The following LETM2 variants were observed in gnomAD, a reference collection of about 807,000 sequenced individuals.
LETM2 encodes leucine zipper and EF-hand containing transmembrane protein 2, also known as LETM1 domain-containing protein LETM2, mitochondrial.
LETM2 carries 58 observed loss-of-function variants against 59.6 expected under a neutral mutation model. The observed-to-expected ratio is 0.97, with a 90% CI of 0.79 to 1.21. The LOEUF (loss-of-function observed/expected upper bound fraction) is 1.21. Ranked by LOEUF, LETM2 falls within the 50% of genes most tolerant of loss-of-function variation. LETM2 has a pLI of 0.00. For synonymous variants in LETM2, 199 were observed against 214.1 expected, an observed-to-expected ratio of 0.93 and a Z score of 0.62; for missense variants, 572 against 575.7, an observed-to-expected ratio of 0.99 and a Z score of 0.07.
chr8:38,401,201 A>G, intron 6 of LETM2, 148 bp downstream of exon 6: 2 of 653,682 alleles, frequency 3.1e-6, no homozygotes, highest in African/African-American at 1.8e-5. Flanking sequence ...CAGTGGCGCA[A>G]TCCTGGCTTA....
intron 10 of LETM2, 114 bp downstream of exon 10, chr8:38,407,577 T>C: frequency 1.4e-6 from 1 of 725,980 alleles, no homozygotes; most frequent in Non-Finnish European, 2.3e-6. Context: ...CAATTCTTCC[T>C]GTTGTCCAAA....
chr8:38,395,521 CT>C lies in LETM2; in HGVS notation c.645+1292del, dbSNP rs376185856. On this transcript the variant is annotated intron_variant, in intron 4 of 10. Transcript: ENST00000379957. Reference sequence around the variant, plus strand: ...GGTGTCTGTTTAGATCTTTGGTTGACTTTTTTTTTTTTGAGAAGGAGTCTGG... The same window carrying C: ...GGTGTCTGTTTAGATCTTTGGTTGACTTTTTTTTTTTGAGAAGGAGTCTGG... Among the ~76,000 whole-genome samples the C allele has an allele frequency of 2.6e-3, 374 of 145,492 alleles. 2 individuals carry two copies. Among genetic ancestry groups the C allele is most frequent in the African/African-American group, 7.9e-3 (314 of 39,960 alleles).
At position 38,409,495 on chromosome 8, in the gene LETM2, G is replaced by A. The variant is rs555553810; in HGVS notation, c.*1221G>A. ...AGCAATCATGGATCCTGCCTATCGA[G>A]GTGATTCACAATACACTTTCCCATT... On this transcript the variant is annotated 3_prime_UTR_variant, in exon 11 of 11. Transcript: ENST00000379957. 1 of 152,186 alleles carries A rather than the reference G, an allele frequency of 6.6e-6. No individual in the cohort carries two copies. The highest frequency in any genetic ancestry group is 1.5e-5 in the Non-Finnish European group (1 of 68,042). 9.4% of individuals were successfully genotyped at this position (152,186 alleles called of 1,614,324 possible).
At chr8:38,401,791 T>C (rs1339020141) in intron 6 of LETM2, 1 of 153,012 alleles carries the variant, frequency 6.5e-6, no homozygotes, top group Non-Finnish European at 1.5e-5. Context: ...CAAAGCATAA[T>C]ACTGGGAGGA....
chr8:38,386,943 C>T (rs1208304965), intron 1 of LETM2: 1 of 152,422 alleles, frequency 6.6e-6, no homozygotes, highest in African/African-American at 2.4e-5. Flanking sequence ...CCCCCAGACC[C>T]CGCCGCATGC....
Position 38,408,334 on chromosome 8 carries a change from G to C in LETM2, c.*60G>C. ...CTTCCGGCCCTCAACAGTGGCATCT[G>C]TAAAGGACCTCCCAGATAAGACTGT... On this transcript the variant is annotated 3_prime_UTR_variant, in exon 11 of 11. Coordinates refer to ENST00000379957, the MANE Select transcript of LETM2 (RefSeq NM_001286819.2). 1 of 1,392,618 alleles carries C rather than the reference G, an allele frequency of 7.2e-7. No homozygotes were observed. Among genetic ancestry groups the C allele is most frequent in the Non-Finnish European group, 1.0e-6 (1 of 988,668 alleles). The allele number at this position is 1,392,618 out of a possible 1,614,324, so 86.3% of individuals were successfully genotyped here.
At chr8:38,397,287 C>T (rs748366280) in intron 4 of LETM2, among the ~76,000 whole-genome samples, 26 of 152,172 alleles carry the variant, frequency 1.7e-4, no homozygotes, top group Non-Finnish European at 2.9e-4. Flanking sequence ...AGCAATTCTC[C>T]GGCCTCAGCC....
At chr8:38,386,354 GA>G (rs1418132284), upstream of LETM2, 1 of 152,208 alleles carries the variant, frequency 6.6e-6, no homozygotes, top group African/African-American at 2.4e-5. Flanking sequence ...ATGTAAACGC[GA>G]CTTTGCGGCT....
chr8:38,407,250 G>A (rs1813798241), intron 9 of LETM2, 112 bp from the exon 10 acceptor site: 1 of 910,180 alleles, frequency 1.1e-6, no homozygotes. Flanking sequence ...TGAATCCTGT[G>A]CCAGGATATG....
rs567345261 is a variant in LETM2 at position 38,393,297 on chromosome 8, T to C, written c.501+302T>C. 1.9e-5 allele frequency: 5 copies of C among 268,526 alleles called. No homozygotes were observed. The Admixed American group carries it at 2.4e-4, about 13-fold the overall frequency. 16.6% of individuals were successfully genotyped at this position (268,526 alleles called of 1,614,324 possible). On this transcript the variant is annotated intron_variant, in intron 3 of 10. Coordinates refer to ENST00000379957, the MANE Select transcript of LETM2 (RefSeq NM_001286819.2). ...TGTGTTTTTTAATCTTTCCAAGAAG[T>C]TGAGGGGCTTCATGTTTCAACTGTT...
rs749391639 is a variant in LETM2 at position 38,392,930 on chromosome 8, G to A, written c.436G>A (p.Val146Ile). 1.2e-6 allele frequency: 2 copies of A among 1,612,232 alleles called. No individual in the cohort carries two copies. The highest frequency in any genetic ancestry group is 1.1e-5 in the South Asian group (1 of 91,086). ...CTACTTACTTTGGATTGACGCCAAA[G>A]TTGCTGCCAGAATGGTTTGGAGGCT... ...GFYLLWIDAKVAARMVWRLLH... is the reference protein window; with the variant it reads ...GFYLLWIDAKIAARMVWRLLH... Residue 146 changes from valine to isoleucine, a missense_variant, in exon 3 of 11, where the codon GTT (valine) becomes ATT (isoleucine). Transcript: ENST00000379957.
intron 4 of LETM2, among the ~76,000 whole-genome samples, chr8:38,397,887 C>T (rs1812818748): frequency 1.3e-5 from 2 of 152,124 alleles, no homozygotes; most frequent in South Asian, 2.1e-4. Context: ...TGCCTGTAAT[C>T]CCAGCACTTT....
At chr8:38,396,238 C>A (rs1812677804) in intron 4 of LETM2, among the ~76,000 whole-genome samples, 1 of 151,650 alleles carries the variant, frequency 6.6e-6, no homozygotes, top group Non-Finnish European at 1.5e-5. Flanking sequence ...ATCTCGGCTC[C>A]CTGCAACCTC....
Position 38,404,500 on chromosome 8 carries a change from T to C in LETM2, c.1212T>C (p.Ser404=). ...CCAAGCCGATTGAGATACCACTCAG[T>C]GGGGAGGTGAGTACCTGGGTTAATG... The part of the protein sequence containing the change: ...VKPKPIEIPL[S]GEAPKTDILV... Residue 404 remains serine, a synonymous_variant, in exon 8 of 11, where the codon AGT becomes AGC. Transcript: ENST00000379957. The C allele has an allele frequency of 6.2e-7, 1 of 1,609,452 alleles. No homozygotes were observed. The highest frequency in any genetic ancestry group is 1.1e-5 in the South Asian group (1 of 90,970).
rs947735851 is a variant in LETM2 at position 38,409,025 on chromosome 8, T to A, written c.*751T>A. 2.0e-5 allele frequency: 3 copies of A among 152,234 alleles called. No homozygotes were observed. The East Asian group carries it at 5.8e-4, about 29-fold the overall frequency. 9.4% of individuals were successfully genotyped at this position (152,234 alleles called of 1,614,324 possible). ...TTGGGTGTGTGTGTTTCTGGCCAGT[T>A]TGTCTTTCACAAATAAGACTATTAG... On this transcript the variant is annotated 3_prime_UTR_variant, in exon 11 of 11. Coordinates refer to ENST00000379957, the MANE Select transcript of LETM2 (RefSeq NM_001286819.2).
At chr8:38,406,281 T>C (rs995485820) in intron 8 of LETM2, among the ~76,000 whole-genome samples, 2 of 152,176 alleles carry the variant, frequency 1.3e-5, no homozygotes, top group East Asian at 3.8e-4. Context: ...AGATGCAACA[T>C]AGACCAAGTT....
chr8:38,408,279 C>A lies in LETM2; in HGVS notation c.*5C>A, dbSNP rs749582529. The A allele has an allele frequency of 6.7e-7, 1 of 1,486,506 alleles. No individual in the cohort carries two copies. Among genetic ancestry groups the A allele is most frequent in the Non-Finnish European group, 9.3e-7 (1 of 1,071,464 alleles). 92.1% of individuals were successfully genotyped at this position (1,486,506 alleles called of 1,614,324 possible). On this transcript the variant is annotated 3_prime_UTR_variant, in exon 11 of 11. Coordinates refer to ENST00000379957, the MANE Select transcript of LETM2 (RefSeq NM_001286819.2). ...GCTAGTTCAAAAGGAGCATAAAGGACTACTTGAGGATGGAGCTCACTCTCT... is the reference window on the plus strand; with the variant it reads ...GCTAGTTCAAAAGGAGCATAAAGGAATACTTGAGGATGGAGCTCACTCTCT...
intron 7 of LETM2, 118 bp from the exon 8 acceptor site, chr8:38,404,275 G>A (rs537164086): frequency 1.3e-5 from 9 of 695,406 alleles, no homozygotes; most frequent in Admixed American, 1.2e-4. Flanking sequence ...TCACCTGAGC[G>A]GCTTGGCGGA....
chr8:38,384,612 A>T (rs375012370), upstream of LETM2, among the ~76,000 whole-genome samples: 19 of 152,372 alleles, frequency 1.2e-4, no homozygotes, highest in Non-Finnish European at 2.6e-4. Context: ...ATCTTACATG[A>T]TAAATCTCTT....
Sources: allele counts gnomAD v4.1 joint callset (sites outside exome capture counted in the v4.1 genomes callset), GRCh38; gene constraint gnomAD v4.1.1; transcripts MANE v1.5; gene names NCBI Gene and HGNC (gene_info 2026-07-23, HGNC 2026-07-21).